Variants in ACOXL observed in about 807,000 individuals in gnomAD.
The protein encoded by ACOXL is acyl-CoA oxidase like.
ACOXL carries 70 observed loss-of-function variants against 71.9 expected under a neutral mutation model. That is an observed-to-expected ratio of 0.97 (90% CI 0.80 to 1.19). ACOXL has a LOEUF of 1.19. ACOXL is among the 50% of genes most tolerant of loss of function. The probability of loss-of-function intolerance (pLI) is 0.00; values close to 1 mark genes in which losing one functional copy is unlikely to be tolerated. For missense variants in ACOXL, 703 were observed against 736.3 expected, an observed-to-expected ratio of 0.95 and a Z score of 0.52; for synonymous variants, 253 against 281.6, an observed-to-expected ratio of 0.90 and a Z score of 1.02.
At chr2:110,812,478 A>C (rs1026455756) in intron 9 of ACOXL, among the ~76,000 whole-genome samples, 1 of 152,050 alleles carries the variant, frequency 6.6e-6, no homozygotes, top group Admixed American at 6.6e-5. Flanking sequence ...CTCCCTCCTC[A>C]AGTAGACCCC....
chr2:110,797,010 G>C (rs1376852844), intron 5 of ACOXL, among the ~76,000 whole-genome samples: 1 of 152,042 alleles, frequency 6.6e-6, no homozygotes. Flanking sequence ...TAAATGTGCA[G>C]TTCCACTCTC....
At chr2:110,967,818 G>T (rs1303527984) in intron 12 of ACOXL, 1 of 917,918 alleles carries the variant, frequency 1.1e-6, no homozygotes, top group Non-Finnish European at 1.7e-6. Flanking sequence ...ACGGATGTGG[G>T]TCTCTGTTTT....
At chr2:111,034,187 T>A (rs1242918424) in intron 15 of ACOXL, among the ~76,000 whole-genome samples, 1 of 152,242 alleles carries the variant, frequency 6.6e-6, no homozygotes, top group Non-Finnish European at 1.5e-5. Context: ...GAGAGCATGA[T>A]ATTTACCTCG....
At chr2:111,109,275 G>T (rs2069772321) in intron 17 of ACOXL, among the ~76,000 whole-genome samples, 1 of 152,184 alleles carries the variant, frequency 6.6e-6, no homozygotes. Context: ...TTATGAATAA[G>T]ATTGTCAGGA....
At chr2:110,972,761 A>G (rs1222351347) in intron 12 of ACOXL, among the ~76,000 whole-genome samples, 3 of 152,190 alleles carry the variant, frequency 2.0e-5, no homozygotes, top group South Asian at 2.1e-4. Flanking sequence ...TCCTCTCTCA[A>G]TGGAGTCATG....
At chr2:110,983,218 C>T (rs865976962) in intron 12 of ACOXL, among the ~76,000 whole-genome samples, 1 of 152,238 alleles carries the variant, frequency 6.6e-6, no homozygotes, top group Non-Finnish European at 1.5e-5. Context: ...CCAAGTTTCA[C>T]TGTACCTAGC....
chr2:110,903,940 G>C (rs942170092), intron 10 of ACOXL, among the ~76,000 whole-genome samples: 8 of 152,246 alleles, frequency 5.3e-5, no homozygotes, highest in African/African-American at 9.6e-5. Context: ...TGCTACCTCT[G>C]CTGTTGCCAG....
At chr2:110,956,864 G>T (rs1224816550) in intron 12 of ACOXL, among the ~76,000 whole-genome samples, 3 of 152,078 alleles carry the variant, frequency 2.0e-5, no homozygotes, top group Non-Finnish European at 4.4e-5. Context: ...TATGTTTCAT[G>T]GGGCTGTCAC....
chr2:111,093,425 A>G, intron 17 of ACOXL: 2 of 1,612,080 alleles, frequency 1.2e-6, no homozygotes, highest in South Asian at 2.2e-5. Flanking sequence ...ACTGCAAAGA[A>G]AAAGAATGTG....
intron 14 of ACOXL, among the ~76,000 whole-genome samples, chr2:111,025,871 T>C (rs1257467063): frequency 6.6e-6 from 1 of 152,238 alleles, no homozygotes; most frequent in Admixed American, 6.5e-5. Context: ...ATCTAGAAAC[T>C]TTGTAGATTT....
intron 12 of ACOXL, among the ~76,000 whole-genome samples, chr2:110,953,077 C>T (rs1211496046): frequency 2.0e-5 from 3 of 152,116 alleles, no homozygotes; most frequent in Non-Finnish European, 4.4e-5. Flanking sequence ...TCTGTCTTCA[C>T]GCTCTACATT....
chr2:110,968,670 C>A (rs1184235950), intron 12 of ACOXL: 3 of 1,155,230 alleles, frequency 2.6e-6, no homozygotes, highest in East Asian at 2.4e-5. Context: ...GATCAGATAG[C>A]TCAAAAGAAG....
intron 2 of ACOXL, among the ~76,000 whole-genome samples, chr2:110,770,137 G>A (rs756413128): frequency 5.3e-5 from 8 of 152,292 alleles, no homozygotes; most frequent in East Asian, 3.9e-4. Context: ...GCAGCTCAGC[G>A]GCATGCTGAG....
At chr2:110,979,109 C>T (rs994911027) in intron 12 of ACOXL, among the ~76,000 whole-genome samples, 1 of 152,122 alleles carries the variant, frequency 6.6e-6, no homozygotes. Context: ...ACAGCCGGCC[C>T]TGCGCTAGGG....
chr2:110,793,830 AAAAT>A (rs1245434266), intron 4 of ACOXL, 94 bp downstream of exon 4: 55 of 1,113,958 alleles, frequency 4.9e-5, no homozygotes, highest in Non-Finnish European at 7.3e-5. Flanking sequence ...GAAGAAAAAT[AAAAT>A]AAAACAGAAT....
In ACOXL at chr2:110,876,261, A is replaced by G. The variant is rs189285502; in HGVS notation, c.789-32528A>G. On this transcript the variant is annotated intron_variant, in intron 10 of 17. Transcript: ENST00000439055. Reference sequence around the variant, plus strand: ...AGGTTTTTTCTTGAGGAGGGGCACCACAGGATACCCACACCCAGAGAGAGG... The same window carrying G: ...AGGTTTTTTCTTGAGGAGGGGCACCGCAGGATACCCACACCCAGAGAGAGG... 1.6e-3 allele frequency among the ~76,000 whole-genome samples: 249 copies of G among 152,238 alleles called. 2 individuals carry two copies. The highest frequency in any genetic ancestry group is 5.3e-3 in the African/African-American group (220 of 41,544).
At chr2:110,993,345 G>C (rs1352661834) in intron 13 of ACOXL, among the ~76,000 whole-genome samples, 1 of 152,168 alleles carries the variant, frequency 6.6e-6, no homozygotes. Flanking sequence ...TCCCACCACA[G>C]ATTAGTTTTT....
At chr2:111,057,175 T>G (rs576341534) in intron 16 of ACOXL, among the ~76,000 whole-genome samples, 1 of 152,310 alleles carries the variant, frequency 6.6e-6, no homozygotes, top group African/African-American at 2.4e-5. Flanking sequence ...GAATTTAAAT[T>G]TAACCAACTG....
intron 9 of ACOXL, among the ~76,000 whole-genome samples, chr2:110,819,569 A>G (rs895061432): frequency 5.3e-5 from 8 of 152,210 alleles, no homozygotes; most frequent in Non-Finnish European, 1.0e-4. Context: ...TTGGAGAGGC[A>G]GGAGGACAAC....
Sources: gnomAD v4.1 joint callset for allele counts (sites outside exome capture counted in the v4.1 genomes callset) on GRCh38, gnomAD v4.1.1 for gene constraint, MANE v1.5 for transcripts, NCBI Gene and HGNC (gene_info 2026-07-23, HGNC 2026-07-21) for gene names.